The following HEMK1 variants were observed in gnomAD, a reference collection of about 807,000 sequenced individuals.
The protein encoded by HEMK1 is MTRF1L release factor glutamine methyltransferase.
HEMK1 carries 36 observed loss-of-function variants against 47.9 expected under a neutral mutation model. The observed-to-expected ratio is 0.75, with a 90% CI of 0.58 to 0.99. HEMK1 has a LOEUF of 0.99. Among genes scored for constraint, HEMK1 ranks in the 50% least tolerant of loss-of-function variants. The probability of loss-of-function intolerance (pLI) is 0.00; values close to 1 mark genes in which losing one functional copy is unlikely to be tolerated. For synonymous variants in HEMK1, 153 were observed against 165.4 expected, an observed-to-expected ratio of 0.93 and a Z score of 0.57; for missense variants, 383 against 434.5, an observed-to-expected ratio of 0.88 and a Z score of 1.05.
chr3:50,571,584 C>G, intron 2 of HEMK1, 126 bp from the exon 3 acceptor site: 4 of 922,752 alleles, frequency 4.3e-6, no homozygotes, highest in Non-Finnish European at 7.1e-6. Flanking sequence ...GCTGCCCCCT[C>G]TGGGCCCAGA....
Position 50,591,032 on chromosome 3 carries a change from C to T in HEMK1, c.*10615C>T, listed in dbSNP as rs1353793389. On this transcript the variant is annotated 3_prime_UTR_variant, in exon 11 of 11. Transcript: ENST00000232854. The stretch of plus-strand genomic sequence containing the variant: ...TTCCGCTTAGTCACAGCCAAGAGCT[C>T]AGTACCTCAGCCTCCCTTAGGGCCA... 6.6e-6 allele frequency: 1 copy of T among 152,232 alleles called. No individual in the cohort carries two copies. Among genetic ancestry groups the T allele is most frequent in the African/African-American group, 2.4e-5 (1 of 41,436 alleles). The allele number at this position is 152,232 out of a possible 1,614,324, so 9.4% of individuals were successfully genotyped here.
chr3:50,591,749 G>A lies in HEMK1; in HGVS notation c.*11332G>A, dbSNP rs2031737959. ...TCAGAGGCCCAACCACTGCCTCCAA[G>A]TCATGGGAGCGCAGAGCCCATGTAA... On this transcript the variant is annotated 3_prime_UTR_variant, in exon 11 of 11. Coordinates refer to ENST00000232854, the MANE Select transcript of HEMK1 (RefSeq NM_016173.5). The A allele has an allele frequency of 6.6e-6, 1 of 151,164 alleles. No individual in the cohort carries two copies. Among genetic ancestry groups the A allele is most frequent in the African/African-American group, 2.4e-5 (1 of 40,912 alleles). The allele number at this position is 151,164 out of a possible 1,614,324, so 9.4% of individuals were successfully genotyped here.
chr3:50,595,625 G>A lies in HEMK1; in HGVS notation c.*15208G>A, dbSNP rs1427856081. 1 of 152,194 alleles carries A rather than the reference G, an allele frequency of 6.6e-6. No individual in the cohort carries two copies. Among genetic ancestry groups the A allele is most frequent in the Non-Finnish European group, 1.5e-5 (1 of 68,038 alleles). The allele number at this position is 152,194 out of a possible 1,614,324, so 9.4% of individuals were successfully genotyped here. A position where few individuals can be genotyped will look rare whatever the true frequency, so the allele number is the denominator to read the frequency against. ...CTTGTAAAGATTATTTAGAACAAGG[G>A]CAACCAGTGCCTCTACTGGCAAGTG... On this transcript the variant is annotated 3_prime_UTR_variant, in exon 11 of 11. Transcript: ENST00000232854.
rs774245590 is a variant in HEMK1 at position 50,580,162 on chromosome 3, AGCTG to A, written c.917_920del (p.Trp306PhefsTer115). ...CCCAAGGCACCCGGAGCTTGTCAGC[AGCTG>A]GCTTCAGAGCCGGCCTGACCTGTAC... On this transcript the variant is annotated frameshift_variant, in exon 10 of 11. Transcript: ENST00000232854. LOFTEE classifies it high-confidence loss of function. The A allele has an allele frequency of 1.2e-4, 199 of 1,614,080 alleles. 1 individual carries two copies. The highest frequency in any genetic ancestry group is 1.7e-4 in the Admixed American group (10 of 60,010).
rs2107525860 is a variant in HEMK1, at chr3:50,585,530, A to C, written c.*5113A>C. 1 of 152,224 alleles carries C rather than the reference A, an allele frequency of 6.6e-6. No homozygotes were observed. Among genetic ancestry groups the C allele is most frequent in the South Asian group, 2.1e-4 (1 of 4,820 alleles). 9.4% of individuals were successfully genotyped at this position (152,224 alleles called of 1,614,324 possible). A position where few individuals can be genotyped will look rare whatever the true frequency, so the allele number is the denominator to read the frequency against. On this transcript the variant is annotated 3_prime_UTR_variant, in exon 11 of 11. Transcript: ENST00000232854. Reference sequence around the variant, plus strand: ...CCTCCCTTTCCAGGGGTACTAAAGGACTCTGGAGACACCATCCCACCCAGC... The same window carrying C: ...CCTCCCTTTCCAGGGGTACTAAAGGCCTCTGGAGACACCATCCCACCCAGC...
rs1470086500 is a variant in HEMK1, at chr3:50,581,111, A to G, written c.*694A>G. On this transcript the variant is annotated 3_prime_UTR_variant, in exon 11 of 11. Coordinates refer to ENST00000232854, the MANE Select transcript of HEMK1 (RefSeq NM_016173.5). ...TGAGGGGTGTTTCCTTTTTATCCCC[A>G]TAGCTTTTAGCTAAAACATCCCTCC... is the stretch of plus-strand genomic sequence containing the variant. 1.3e-5 allele frequency: 2 copies of G among 152,316 alleles called. No homozygotes were observed. The highest frequency in any genetic ancestry group is 2.4e-5 in the African/African-American group (1 of 41,430). The allele number at this position is 152,316 out of a possible 1,614,324, so 9.4% of individuals were successfully genotyped here.
intron 4 of HEMK1, among the ~76,000 whole-genome samples, chr3:50,572,447 C>A (rs1420328926): frequency 6.6e-6 from 1 of 152,230 alleles, no homozygotes; most frequent in Non-Finnish European, 1.5e-5. Context: ...TGGCAATGGC[C>A]CAGAGTGCCT....
At chr3:50,578,225 C>A (rs1356919544) in intron 7 of HEMK1, among the ~76,000 whole-genome samples, 4 of 152,210 alleles carry the variant, frequency 2.6e-5, no homozygotes, top group Admixed American at 2.0e-4. Flanking sequence ...GTGCCCCTTT[C>A]CCCCTGCCTG....
chr3:50,578,005 T>C, intron 7 of HEMK1, 130 bp downstream of exon 7: 1 of 824,038 alleles, frequency 1.2e-6, no homozygotes, highest in South Asian at 1.4e-5. Flanking sequence ...CACACACACA[T>C]ACACGTGTGT....
chr3:50,573,560 G>T (rs975964607), intron 4 of HEMK1, among the ~76,000 whole-genome samples: 5 of 152,088 alleles, frequency 3.3e-5, no homozygotes, highest in African/African-American at 9.7e-5. Context: ...GATGGGTCTG[G>T]GCCAAGAGAG....
intron 7 of HEMK1, among the ~76,000 whole-genome samples, chr3:50,578,573 T>A (rs960724183): frequency 2.0e-5 from 3 of 152,210 alleles, no homozygotes; most frequent in African/African-American, 4.8e-5. Context: ...GAGTCTTGCA[T>A]AATAAGGAGG....
chr3:50,572,595 G>A (rs979425549), intron 4 of HEMK1, among the ~76,000 whole-genome samples: 5 of 152,178 alleles, frequency 3.3e-5, no homozygotes, highest in South Asian at 2.1e-4. Context: ...GGCTCCAGCC[G>A]GACACCTGGA....
In HEMK1 at chr3:50,586,372, T is replaced by C. The variant is rs1346354345; in HGVS notation, c.*5955T>C. 1 of 152,268 alleles carries C rather than the reference T, an allele frequency of 6.6e-6. No individual in the cohort carries two copies. The highest frequency in any genetic ancestry group is 1.5e-5 in the Non-Finnish European group (1 of 68,078). 9.4% of individuals were successfully genotyped at this position (152,268 alleles called of 1,614,324 possible). The stretch of plus-strand genomic sequence containing the variant: ...AAAGGCAGGGAAGCCTACCTCAGCT[T>C]CATGGAAAGCCCTGAACTGGGCTGA... On this transcript the variant is annotated 3_prime_UTR_variant, in exon 11 of 11. Transcript: ENST00000232854.
chr3:50,576,116 A>G (rs1201389302), intron 4 of HEMK1, among the ~76,000 whole-genome samples: 2 of 152,202 alleles, frequency 1.3e-5, no homozygotes, highest in Admixed American at 1.3e-4. Flanking sequence ...AGTCAGGACC[A>G]TGTCCCCCCA....
Position 50,586,691 on chromosome 3 carries a change from T to C in HEMK1, c.*6274T>C, listed in dbSNP as rs2107529577. The C allele has an allele frequency of 6.6e-6, 1 of 152,180 alleles. No individual in the cohort carries two copies. Among genetic ancestry groups the C allele is most frequent in the African/African-American group, 2.4e-5 (1 of 41,508 alleles). The allele number at this position is 152,180 out of a possible 1,614,324, so 9.4% of individuals were successfully genotyped here. A position where few individuals can be genotyped will look rare whatever the true frequency, so the allele number is the denominator to read the frequency against. On this transcript the variant is annotated 3_prime_UTR_variant, in exon 11 of 11. Transcript: ENST00000232854. ...CTCACAGAGATCCCTGTGGTACAGA[T>C]GAGGAAACTGAGGCTTAGCAGGACA...
rs2031883584 is a variant in HEMK1 at position 50,594,831 on chromosome 3, C to T, written c.*14414C>T. On this transcript the variant is annotated 3_prime_UTR_variant, in exon 11 of 11. Coordinates refer to ENST00000232854, the MANE Select transcript of HEMK1 (RefSeq NM_016173.5). ...TAAACCCACCTACCTCCTTTGGCTT[C>T]CTTTCCTTCCCTGTCTCACCCCCTC... 1.3e-5 allele frequency: 2 copies of T among 152,158 alleles called. No homozygotes were observed. Among genetic ancestry groups the T allele is most frequent in the Admixed American group, 1.3e-4 (2 of 15,270 alleles). 9.4% of individuals were successfully genotyped at this position (152,158 alleles called of 1,614,324 possible).
At chr3:50,579,703 C>T in intron 8 of HEMK1, 141 bp from the exon 9 acceptor site, 1 of 627,808 alleles carries the variant, frequency 1.6e-6, no homozygotes, top group East Asian at 2.7e-5. Context: ...TGGGGCCCTC[C>T]TTCTCTGGGT....
rs2031019812 is a variant in HEMK1 at position 50,583,245 on chromosome 3, C to T, written c.*2828C>T. 6.6e-6 allele frequency: 1 copy of T among 152,228 alleles called. No homozygotes were observed. Among genetic ancestry groups the T allele is most frequent in the Non-Finnish European group, 1.5e-5 (1 of 68,040 alleles). The allele number at this position is 152,228 out of a possible 1,614,324, so 9.4% of individuals were successfully genotyped here. On this transcript the variant is annotated 3_prime_UTR_variant, in exon 11 of 11. Transcript: ENST00000232854. ...TTTTCCCAGTTGTCAGTGGGTTTCT[C>T]CATGGGTCTCATACAGCTGCCTTAT...
rs2031074926 is a variant in HEMK1 at position 50,583,686 on chromosome 3, T to A, written c.*3269T>A. On this transcript the variant is annotated 3_prime_UTR_variant, in exon 11 of 11. Coordinates refer to ENST00000232854, the MANE Select transcript of HEMK1 (RefSeq NM_016173.5). ...GATTCTCTTCTCTACTGCCCTGGGCTTCAGCCTTTGTGCAGTACTCTCGAT... is the reference window on the plus strand; with the variant it reads ...GATTCTCTTCTCTACTGCCCTGGGCATCAGCCTTTGTGCAGTACTCTCGAT... 1 of 152,234 alleles carries A rather than the reference T, an allele frequency of 6.6e-6. No individual in the cohort carries two copies. Among genetic ancestry groups the A allele is most frequent in the Non-Finnish European group, 1.5e-5 (1 of 68,050 alleles). The allele number at this position is 152,234 out of a possible 1,614,324, so 9.4% of individuals were successfully genotyped here.
Sources: allele counts gnomAD v4.1 joint callset (sites outside exome capture counted in the v4.1 genomes callset), GRCh38; gene constraint gnomAD v4.1.1; transcripts MANE v1.5; gene names NCBI Gene and HGNC (gene_info 2026-07-23, HGNC 2026-07-21).